GDA: variants seen among roughly 807,000 people sequenced by gnomAD.
The protein encoded by GDA is cytoplasmic PSD-95 interactor.
In GDA, 18 loss-of-function variants were observed where a neutral mutation model predicts 59.6. The observed-to-expected ratio is 0.30, with a 90% confidence interval of 0.21 to 0.45. The LOEUF (loss-of-function observed/expected upper bound fraction) is 0.45. GDA is among the 20% of genes least tolerant of loss of function. The probability of loss-of-function intolerance (pLI) is 1.00; values close to 1 mark genes in which losing one functional copy is unlikely to be tolerated. For missense variants in GDA, 427 were observed against 552.3 expected (o/e 0.77, Z 2.27); for synonymous variants, 201 against 201.1 (o/e 1.00, Z 0.00).
intron 4 of GDA, among the ~76,000 whole-genome samples, chr9:72,213,585 C>T (rs1035389979): frequency 5.3e-5 from 8 of 151,834 alleles, no homozygotes; most frequent in East Asian, 3.9e-4. Flanking sequence ...GGGCGGATCA[C>T]AAGGTCAGGA....
intron 1 of GDA, among the ~76,000 whole-genome samples, chr9:72,137,616 C>A (rs1826286575): frequency 6.6e-6 from 1 of 152,090 alleles, no homozygotes; most frequent in Admixed American, 6.6e-5. Context: ...GATCACTGAA[C>A]ATTTAAGATC....
intron 12 of GDA, 84 bp downstream of exon 12, chr9:72,245,362 G>A (rs747790220): frequency 9.0e-6 from 9 of 1,003,052 alleles, no homozygotes; most frequent in Admixed American, 2.1e-5. Flanking sequence ...AATAGAAACC[G>A]AAACTTTTTA....
chr9:72,151,894 C>T (rs553183321), intron 1 of GDA, among the ~76,000 whole-genome samples: 94 of 152,224 alleles, frequency 6.2e-4, no homozygotes, highest in African/African-American at 1.9e-3. Context: ...TGAGCCACCG[C>T]GCCGGCCAAT....
At chr9:72,145,479 G>A (rs1826593724), upstream of GDA, among the ~76,000 whole-genome samples, 1 of 152,188 alleles carries the variant, frequency 6.6e-6, no homozygotes, top group Non-Finnish European at 1.5e-5. Context: ...GTTGTTGAGA[G>A]GCTCAAAATT....
intron 1 of GDA, among the ~76,000 whole-genome samples, chr9:72,175,962 T>C (rs116912820): frequency 0.021 from 3,199 of 152,292 alleles, 59 homozygotes; most frequent in South Asian, 0.092. Flanking sequence ...TATTGCTGTA[T>C]AACAAATTAC....
At chr9:72,243,293 A>G (rs1839819112) in intron 11 of GDA, among the ~76,000 whole-genome samples, 1 of 152,174 alleles carries the variant, frequency 6.6e-6, no homozygotes, top group Non-Finnish European at 1.5e-5. Flanking sequence ...TTCACTGAAA[A>G]GAATTGTGTC....
Position 72,250,189 on chromosome 9 carries a change from A to T in GDA, c.*1847A>T. 6.1e-6 allele frequency: 6 copies of T among 984,550 alleles called. No individual in the cohort carries two copies. The highest frequency in any genetic ancestry group is 7.2e-6 in the Non-Finnish European group (6 of 829,102). The allele number at this position is 984,550 out of a possible 1,614,324, so 61.0% of individuals were successfully genotyped here. A position where few individuals can be genotyped will look rare whatever the true frequency, so the allele number is the denominator to read the frequency against. On this transcript the variant is annotated 3_prime_UTR_variant, in exon 14 of 14. Coordinates refer to ENST00000358399, the MANE Select transcript of GDA (RefSeq NM_004293.5). ...CAACCCCTGCCAAAGGAACTTGATTACATGGTGTCTAACCAAATGAGCAGG... is the reference window on the plus strand; with the variant it reads ...CAACCCCTGCCAAAGGAACTTGATTTCATGGTGTCTAACCAAATGAGCAGG...
At chr9:72,209,973 C>T (rs2131421038) in intron 3 of GDA, among the ~76,000 whole-genome samples, 2 of 152,218 alleles carry the variant, frequency 1.3e-5, no homozygotes, top group South Asian at 4.1e-4. Flanking sequence ...CCTCTAAATA[C>T]TATCCAGGTT....
intron 9 of GDA, among the ~76,000 whole-genome samples, chr9:72,229,450 A>G (rs1838063581): frequency 6.6e-6 from 1 of 152,188 alleles, no homozygotes; most frequent in Non-Finnish European, 1.5e-5. Flanking sequence ...CACGGAAGTT[A>G]CCACTGTGGG....
downstream of GDA, among the ~76,000 whole-genome samples, chr9:72,258,722 G>A (rs574585928): frequency 1.8e-4 from 28 of 152,324 alleles, no homozygotes; most frequent in Admixed American, 8.5e-4. Flanking sequence ...GGACCTTTCA[G>A]TGGACAGAGG....
intron 8 of GDA, 73 bp downstream of exon 8, chr9:72,225,857 A>G: frequency 1.5e-6 from 1 of 666,258 alleles, no homozygotes. Flanking sequence ...CTCAATAGTA[A>G]TCTTCAGATT....
chr9:72,132,370 C>A (rs995136203), intron 1 of GDA, among the ~76,000 whole-genome samples: 38 of 152,154 alleles, frequency 2.5e-4, no homozygotes, highest in African/African-American at 9.2e-4. Flanking sequence ...TATAATAATA[C>A]CCTGGCAGGG....
At chr9:72,129,498 A>G (rs762379648) in intron 1 of GDA, among the ~76,000 whole-genome samples, 4 of 152,196 alleles carry the variant, frequency 2.6e-5, no homozygotes, top group Non-Finnish European at 5.9e-5. Context: ...TGGGTGTTGA[A>G]TCACACATAG....
At chr9:72,236,091 G>A (rs934446245) in intron 10 of GDA, among the ~76,000 whole-genome samples, 7 of 152,062 alleles carry the variant, frequency 4.6e-5, no homozygotes, top group South Asian at 2.1e-4. Context: ...ATTCTAATTC[G>A]AATTCTTAGA....
At chr9:72,184,837 A>G (rs997430931) in intron 1 of GDA, among the ~76,000 whole-genome samples, 1 of 152,194 alleles carries the variant, frequency 6.6e-6, no homozygotes, top group Non-Finnish European at 1.5e-5. Flanking sequence ...AGCCACTGGG[A>G]TGGTTTTCAA....
chr9:72,222,189 A>G (rs139324509), intron 6 of GDA, among the ~76,000 whole-genome samples: 3 of 152,282 alleles, frequency 2.0e-5, no homozygotes, highest in African/African-American at 7.2e-5. Flanking sequence ...GTCTATAAGC[A>G]TTTCTTTTTC....
chr9:72,146,417 C>A (rs1170067099), upstream of GDA, among the ~76,000 whole-genome samples: 2 of 152,062 alleles, frequency 1.3e-5, no homozygotes, highest in Non-Finnish European at 2.9e-5. Context: ...TTCCTCCAAA[C>A]CTCTGTAGCC....
chr9:72,228,104 C>A, intron 9 of GDA, 64 bp downstream of exon 9: 2 of 881,576 alleles, frequency 2.3e-6, no homozygotes, highest in South Asian at 1.4e-5. Context: ...CAGCCAAATG[C>A]CTTTGTTTCC....
chr9:72,230,506 AT>A (rs1838216537), intron 9 of GDA, among the ~76,000 whole-genome samples: 1 of 117,394 alleles, frequency 8.5e-6, no homozygotes, highest in Non-Finnish European at 1.8e-5. Context: ...AAAAAAATAT[AT>A]ATATATATAT....
Sources: gnomAD v4.1 joint callset for allele counts (sites outside exome capture counted in the v4.1 genomes callset) on GRCh38, gnomAD v4.1.1 for gene constraint, MANE v1.5 for transcripts, NCBI Gene and HGNC (gene_info 2026-07-23, HGNC 2026-07-21) for gene names.